PTPRG: variants seen among roughly 807,000 people sequenced by gnomAD.
PTPRG encodes protein tyrosine phosphatase receptor type G.
PTPRG carries 102 observed loss-of-function variants against 165.3 expected under a neutral mutation model. That is an observed-to-expected ratio of 0.62 (90% confidence interval 0.53 to 0.73). PTPRG has a LOEUF of 0.73. Ranked by LOEUF, PTPRG falls within the 30% of genes least tolerant of loss-of-function variation. The pLI is 0.00. For synonymous variants in PTPRG, 675 were observed against 669.5 expected, an observed-to-expected ratio of 1.01 and a Z score of -0.13; for missense variants, 1,866 against 1,861.4, an observed-to-expected ratio of 1.00 and a Z score of -0.05.
At chr3:61,890,023 C>T (rs1051398858) in intron 2 of PTPRG, among the ~76,000 whole-genome samples, 1 of 152,200 alleles carries the variant, frequency 6.6e-6, no homozygotes, top group Admixed American at 6.5e-5. Flanking sequence ...AGATTTTGCA[C>T]ATAACTATTC....
At position 61,639,435 on chromosome 3, in the gene PTPRG, A is replaced by G. The variant is rs115420088; in HGVS notation, c.85+77063A>G. ...TGAATTTTAGAATAGTTTTTGTTTT[A>G]ATTTTGTGAAAAATGATATTGGTAG... On this transcript the variant is annotated intron_variant, in intron 1 of 29. Transcript: ENST00000474889. Among the ~76,000 whole-genome samples the G allele has an allele frequency of 1.8e-3, 273 of 152,274 alleles. 1 individual carries two copies. The highest frequency in any genetic ancestry group is 6.4e-3 in the African/African-American group (266 of 41,554).
At chr3:62,115,373 TA>T (rs1702822597) in intron 5 of PTPRG, among the ~76,000 whole-genome samples, 1 of 152,166 alleles carries the variant, frequency 6.6e-6, no homozygotes, top group East Asian at 1.9e-4. Context: ...GACTCTCAAC[TA>T]AAATTTTTTT....
At chr3:61,950,748 A>G (rs2039880236) in intron 2 of PTPRG, among the ~76,000 whole-genome samples, 1 of 152,208 alleles carries the variant, frequency 6.6e-6, no homozygotes, top group African/African-American at 2.4e-5. Context: ...TACCATGTTT[A>G]TGCCTGCCAC....
intron 17 of PTPRG, among the ~76,000 whole-genome samples, chr3:62,265,896 T>TATATATACACACACACACACACAC (rs1553662684): frequency 4.2e-4 from 55 of 130,610 alleles, no homozygotes; most frequent in Middle Eastern, 4.0e-3. Context: ...GTGCCTTATA[T>TATATATACACACACACACACACAC]ACACACACAC....
Position 62,240,646 on chromosome 3 carries a change from A to G in PTPRG, c.2376-3161A>G, listed in dbSNP as rs1286243155. 6.6e-6 allele frequency among the ~76,000 whole-genome samples: 1 copy of G among 152,120 alleles called. No individual in the cohort carries two copies. ...GCCCACCTCTCCAACCTTGCTTTCC[A>G]CAGCCTTTCCCTTGCCTCTGGCTTC... On this transcript the variant is annotated intron_variant, in intron 14 of 29. Coordinates refer to ENST00000474889, the MANE Select transcript of PTPRG (RefSeq NM_002841.4). The surrounding 1 kb of genome is among the most constrained non-coding windows in gnomAD (Gnocchi z 5.1).
intron 2 of PTPRG, among the ~76,000 whole-genome samples, chr3:61,964,871 G>A (rs1201896903): frequency 2.0e-5 from 3 of 152,024 alleles, no homozygotes; most frequent in Admixed American, 6.6e-5. Context: ...AGAAGGAAAC[G>A]CAGTCTAGAT....
chr3:61,815,960 C>T (rs2035751086), intron 2 of PTPRG, among the ~76,000 whole-genome samples: 1 of 152,124 alleles, frequency 6.6e-6, no homozygotes, highest in African/African-American at 2.4e-5. Flanking sequence ...GGTGACTGGC[C>T]ATCTTTAACC....
At chr3:61,883,245 A>T (rs891229980) in intron 2 of PTPRG, among the ~76,000 whole-genome samples, 5 of 152,182 alleles carry the variant, frequency 3.3e-5, no homozygotes, top group African/African-American at 1.2e-4. Context: ...AACACCATGC[A>T]CTGTCTTCTG....
At chr3:61,699,759 T>G (rs1205742010) in intron 1 of PTPRG, among the ~76,000 whole-genome samples, 1 of 152,180 alleles carries the variant, frequency 6.6e-6, no homozygotes, top group Non-Finnish European at 1.5e-5. Flanking sequence ...CAGGAGATAG[T>G]CTGAATTCAT....
At chr3:61,936,679 A>G (rs1211902798) in intron 2 of PTPRG, among the ~76,000 whole-genome samples, 1 of 152,098 alleles carries the variant, frequency 6.6e-6, no homozygotes, top group Non-Finnish European at 1.5e-5. Context: ...ATGAAAGGGG[A>G]TCATCGCTTT....
chr3:62,155,720 T>C (rs1437347174), intron 6 of PTPRG, among the ~76,000 whole-genome samples: 1 of 152,216 alleles, frequency 6.6e-6, no homozygotes, highest in Non-Finnish European at 1.5e-5. Context: ...GGTTTTTGCA[T>C]TATCCCCTAG....
intron 8 of PTPRG, among the ~76,000 whole-genome samples, chr3:62,173,673 T>C (rs529802463): frequency 6.6e-6 from 1 of 152,324 alleles, no homozygotes; most frequent in East Asian, 1.9e-4. Flanking sequence ...ACACTTCACT[T>C]TAACACCCGG....
At position 62,041,425 on chromosome 3, in the gene PTPRG, A is replaced by G. The variant is rs549832774; in HGVS notation, c.520-36738A>G. On this transcript the variant is annotated intron_variant, in intron 4 of 29. Transcript: ENST00000474889. ...AGATGATACCATCCAAGAATTCTAGAAACACACAAGACAAGACTTTTAGTC... is the reference window on the plus strand; with the variant it reads ...AGATGATACCATCCAAGAATTCTAGGAACACACAAGACAAGACTTTTAGTC... 9.2e-5 allele frequency among the ~76,000 whole-genome samples: 14 copies of G among 152,328 alleles called. 2 individuals are homozygous for G. The South Asian group carries it at 2.9e-3, about 32-fold the overall frequency.
rs185840958 is a variant in PTPRG, at chr3:61,989,583, C to T, written c.191-42C>T. ...TAAGATTTATTCATTTCATCCCTGA[C>T]CCTTGAACCATGAGGATTGAAGTGT... On this transcript the variant is annotated intron_variant, in intron 2 of 29. Coordinates refer to ENST00000474889, the MANE Select transcript of PTPRG (RefSeq NM_002841.4). 2.6e-4 allele frequency: 421 copies of T among 1,588,972 alleles called. 1 individual carries two copies. In the African/African-American group the frequency reaches 5.2e-3, roughly 20 times the overall value.
intron 1 of PTPRG, among the ~76,000 whole-genome samples, chr3:61,744,654 A>G (rs1035062465): frequency 2.6e-5 from 4 of 152,126 alleles, no homozygotes; most frequent in African/African-American, 9.7e-5. Context: ...CAGATAGGGG[A>G]GGGGGAGAGG....
intron 1 of PTPRG, among the ~76,000 whole-genome samples, chr3:61,699,216 G>A (rs1356683024): frequency 6.6e-6 from 1 of 151,888 alleles, no homozygotes; most frequent in Non-Finnish European, 1.5e-5. Context: ...GATCGGGCGC[G>A]TTCAGGGTGG....
At chr3:62,192,987 A>G (rs527641265) in intron 9 of PTPRG, among the ~76,000 whole-genome samples, 1 of 152,098 alleles carries the variant, frequency 6.6e-6, no homozygotes, top group African/African-American at 2.4e-5. Context: ...TTCCATTTAT[A>G]TTTTCAATTT....
At chr3:61,780,560 A>G (rs2034517880) in intron 2 of PTPRG, among the ~76,000 whole-genome samples, 1 of 152,196 alleles carries the variant, frequency 6.6e-6, no homozygotes, top group South Asian at 2.1e-4. Flanking sequence ...TCCTTAAATC[A>G]CAGTGCACAC....
At chr3:61,870,148 C>A (rs533495522) in intron 2 of PTPRG, among the ~76,000 whole-genome samples, 1 of 151,484 alleles carries the variant, frequency 6.6e-6, no homozygotes, top group African/African-American at 2.4e-5. Context: ...GTATGAAATG[C>A]CCAGCATTAT....
Sources: allele counts gnomAD v4.1 joint callset (sites outside exome capture counted in the v4.1 genomes callset), GRCh38; gene constraint gnomAD v4.1.1; non-coding constraint Gnocchi (gnomAD v3.1); transcripts MANE v1.5; gene names NCBI Gene and HGNC (gene_info 2026-07-23, HGNC 2026-07-21).